Variants in TTBK1 observed in about 807,000 individuals in gnomAD.
The protein encoded by TTBK1 is tau tubulin kinase 1.
A neutral mutation model predicts 108.5 loss-of-function variants in TTBK1; 34 were observed. The ratio of observed to expected loss-of-function variants is 0.31; its 90% CI spans 0.24 to 0.42. The LOEUF (loss-of-function observed/expected upper bound fraction) is 0.42, where lower values mean the gene tolerates loss of function less well. Ranked by LOEUF, TTBK1 falls within the 10% of genes least tolerant of loss-of-function variation. TTBK1 has a pLI of 1.00. For synonymous variants in TTBK1, 809 were observed against 795.1 expected (o/e 1.02, Z -0.29); for missense variants, 1,539 against 1,826.0 (o/e 0.84, Z 2.86).
rs1294986838 is a variant in TTBK1, at chr6:43,257,937, G to A, written c.987G>A (p.Gln329=). ...CGAGCACCTCTACCCCGCCCCAGCAGAACACCCGGCAGACGGCAGCCATGT... is the reference window on the plus strand; with the variant it reads ...CGAGCACCTCTACCCCGCCCCAGCAAAACACCCGGCAGACGGCAGCCATGT... ...LSTSTSTPPQ[Q]NTRQTAAMFG... is the part of the protein sequence containing the mutation. Residue 329 remains glutamine (Q), a synonymous_variant, in exon 10 of 15, where the codon CAG becomes CAA. Coordinates refer to ENST00000259750, the MANE Select transcript of TTBK1 (RefSeq NM_032538.3). The surrounding 1 kb of genome is among the most constrained non-coding windows in gnomAD (Gnocchi z 4.5). The A allele has an allele frequency of 6.2e-7, 1 of 1,613,732 alleles. No individual in the cohort carries two copies. The highest frequency in any genetic ancestry group is 1.1e-5 in the South Asian group (1 of 91,066).
chr6:43,245,399 G>A (rs937134345), intron 1 of TTBK1, among the ~76,000 whole-genome samples: 3 of 152,058 alleles, frequency 2.0e-5, no homozygotes, highest in African/African-American at 7.3e-5. Flanking sequence ...TCCTGTCCTG[G>A]GTTGGCAGAA....
At position 43,269,525 on chromosome 6, in the gene TTBK1, CCCACTTGCCCGGGACGCCGG is replaced by C. The variant is rs1298742201; in HGVS notation, c.1986+6177_1986+6196del. The C allele has an allele frequency of 6.5e-6, 8 of 1,221,568 alleles. No homozygotes were observed. Among genetic ancestry groups the C allele is most frequent in the Non-Finnish European group, 8.8e-6 (8 of 913,050 alleles). 75.7% of individuals were successfully genotyped at this position (1,221,568 alleles called of 1,614,324 possible). On this transcript the variant is annotated intron_variant, in intron 13 of 14. Coordinates refer to ENST00000259750, the MANE Select transcript of TTBK1 (RefSeq NM_032538.3). The surrounding 1 kb of genome is among the most constrained non-coding windows in gnomAD (Gnocchi z 4.8). The stretch of plus-strand genomic sequence containing the variant: ...CCCTCCTCCACCCTGCCTGACCCCG[CCCACTTGCCCGGGACGCCGG>C]CGCCGCAGGGGCTGTGAGCGGTGGG...
chr6:43,247,213 C>T (rs1223440343), intron 2 of TTBK1, among the ~76,000 whole-genome samples: 2 of 152,192 alleles, frequency 1.3e-5, no homozygotes, highest in African/African-American at 2.4e-5. Context: ...GCTGCTCCCG[C>T]CGCACCCGCA....
chr6:43,285,184 G>T lies in TTBK1; in HGVS notation c.3774G>T (p.Glu1258Asp). 7.3e-7 allele frequency: 1 copy of T among 1,373,154 alleles called. No homozygotes were observed. The allele number at this position is 1,373,154 out of a possible 1,614,324, so 85.1% of individuals were successfully genotyped here. A position where few individuals can be genotyped will look rare whatever the true frequency, so the allele number is the denominator to read the frequency against. Residue 1258 changes from glutamate (E) to aspartate (D), a missense_variant, in exon 15 of 15, where the codon GAG becomes GAT. Physicochemically the swap from Glu to Asp is conservative, Grantham distance 45. Coordinates refer to ENST00000259750, the MANE Select transcript of TTBK1 (RefSeq NM_032538.3). The surrounding 1 kb of genome is among the most constrained non-coding windows in gnomAD (Gnocchi z 4.7). The stretch of plus-strand genomic sequence containing the variant: ...GGAGCCAGTCCCTGTCCCGCAGAGA[G>T]AGCCCCTCCCCCTCGCACCAGGCCC... ...SPRSQSLSRR[E>D]SPSPSHQARP...
At chr6:43,262,728 G>A (rs543574977) in intron 12 of TTBK1, 61 bp from the exon 13 acceptor site, 15 of 1,441,076 alleles carry the variant, frequency 1.0e-5, no homozygotes, top group African/African-American at 5.7e-5. Flanking sequence ...TGCCGCTGGC[G>A]TGGGGTCCTT....
At chr6:43,267,638 G>T (rs1449358441) in intron 13 of TTBK1, among the ~76,000 whole-genome samples, 4 of 151,774 alleles carry the variant, frequency 2.6e-5, no homozygotes, top group South Asian at 4.2e-4. Context: ...TTTTGTTTTT[G>T]TTTTTTTTCT....
chr6:43,263,361 G>A lies in TTBK1; in HGVS notation c.1986+11G>A. On this transcript the variant is annotated intron_variant, in intron 13 of 14. Transcript: ENST00000259750. The surrounding 1 kb of genome is among the most constrained non-coding windows in gnomAD (Gnocchi z 4.7). ...GGCCCACAGAGACAGGTAAGGTTGG[G>A]CTTGCACCCCACTCCCCATCTCCAG... is the stretch of plus-strand genomic sequence containing the variant. The A allele has an allele frequency of 3.4e-6, 5 of 1,452,204 alleles. No homozygotes were observed. Among genetic ancestry groups the A allele is most frequent in the Non-Finnish European group, 4.6e-6 (5 of 1,098,702 alleles). 90.0% of individuals were successfully genotyped at this position (1,452,204 alleles called of 1,614,324 possible). A position where few individuals can be genotyped will look rare whatever the true frequency, so the allele number is the denominator to read the frequency against.
At chr6:43,266,763 T>G (rs1777687598) in intron 13 of TTBK1, among the ~76,000 whole-genome samples, 2 of 152,156 alleles carry the variant, frequency 1.3e-5, no homozygotes, top group East Asian at 3.9e-4. Context: ...ATTACAGGCA[T>G]GCACCACCAC....
At position 43,246,653 on chromosome 6, in the gene TTBK1, G is replaced by A. The variant is rs1222521490; in HGVS notation, c.-8G>A. ...GGCCCGGCGGACACCCCTCCCTCTG[G>A]CTGGCGGATGCAGTGCCTAGCGGCC... On this transcript the variant is annotated 5_prime_UTR_variant, in exon 2 of 15. Coordinates refer to ENST00000259750, the MANE Select transcript of TTBK1 (RefSeq NM_032538.3). The A allele has an allele frequency of 1.3e-6, 2 of 1,591,638 alleles. No individual in the cohort carries two copies. The highest frequency in any genetic ancestry group is 1.7e-6 in the Non-Finnish European group (2 of 1,167,738).
rs2150689615 is a variant in TTBK1 at position 43,257,285 on chromosome 6, GC to G, written c.862-524del. 6.6e-6 allele frequency among the ~76,000 whole-genome samples: 1 copy of G among 152,360 alleles called. No homozygotes were observed. Among genetic ancestry groups the G allele is most frequent in the Admixed American group, 6.5e-5 (1 of 15,312 alleles). On this transcript the variant is annotated intron_variant, in intron 9 of 14. Coordinates refer to ENST00000259750, the MANE Select transcript of TTBK1 (RefSeq NM_032538.3). This position sits in a 1 kb window ranked among gnomAD's most constrained non-coding sequence, Gnocchi z 4.5. ...AGCTGCGAGCACCCCCCAGGCTGGG[GC>G]CCTGTGCTGGCTGCTAGGGATGCAG...
At chr6:43,245,255 G>A (rs77435270) in intron 1 of TTBK1, among the ~76,000 whole-genome samples, 121 of 148,772 alleles carry the variant, frequency 8.1e-4, no homozygotes, top group African/African-American at 2.9e-3. Context: ...CCCCCGACCC[G>A]CAACCCCCAA....
chr6:43,244,353 T>C (rs1301466848), intron 1 of TTBK1, among the ~76,000 whole-genome samples: 3 of 152,154 alleles, frequency 2.0e-5, no homozygotes, highest in African/African-American at 7.2e-5. Flanking sequence ...CATCAACACT[T>C]GTATTCACAG....
At chr6:43,245,428 T>A (rs898539488) in intron 1 of TTBK1, among the ~76,000 whole-genome samples, 1 of 152,144 alleles carries the variant, frequency 6.6e-6, no homozygotes, top group East Asian at 1.9e-4. Context: ...AAGTCATGTC[T>A]TCTGGCCCCT....
In TTBK1 at chr6:43,283,513, A is replaced by G; in HGVS notation, c.2773A>G (p.Lys925Glu). ...GGCAGTCACCTCCTCACCCTTCACCAAAGTTGAGAGGACCTTTGTGCACAT... is the reference window on the plus strand; with the variant it reads ...GGCAGTCACCTCCTCACCCTTCACCGAAGTTGAGAGGACCTTTGTGCACAT... ...GVAVTSSPFTKVERTFVHIAE... is the reference protein window; with the variant it reads ...GVAVTSSPFTEVERTFVHIAE... The change falls in exon 14 of 15, where the codon AAA (lysine) becomes GAA (glutamate). Residue 925 changes from lysine (K) to glutamate (E), a missense_variant. Around this residue, in one of 5 missense-constraint regions of TTBK1, gnomAD observed 1,055 missense variants for 1,086.5 expected, o/e 0.97. Coordinates refer to ENST00000259750, the MANE Select transcript of TTBK1 (RefSeq NM_032538.3). This position sits in a 1 kb window ranked among gnomAD's most constrained non-coding sequence, Gnocchi z 8.1. The G allele has an allele frequency of 1.2e-6, 2 of 1,614,054 alleles. No individual in the cohort carries two copies. The highest frequency in any genetic ancestry group is 1.7e-6 in the Non-Finnish European group (2 of 1,179,964).
Position 43,246,603 on chromosome 6 carries a change from C to G in TTBK1, c.-54-4C>G, listed in dbSNP as rs1015408279. 7 of 1,426,556 alleles carry G rather than the reference C, an allele frequency of 4.9e-6. No individual in the cohort carries two copies. The highest frequency in any genetic ancestry group is 6.7e-6 in the Non-Finnish European group (7 of 1,037,296). 88.4% of individuals were successfully genotyped at this position (1,426,556 alleles called of 1,614,324 possible). On this transcript the variant is annotated splice_region_variant and splice_polypyrimidine_tract_variant and intron_variant, in intron 1 of 14. Transcript: ENST00000259750. The stretch of plus-strand genomic sequence containing the variant: ...GCCCTCACAGGCCCTCCTCACTCCC[C>G]TAGGTAGATGGCCCCCTCAGGGCAG...
intron 13 of TTBK1, among the ~76,000 whole-genome samples, chr6:43,278,346 G>A (rs1467281667): frequency 6.6e-6 from 1 of 152,150 alleles, no homozygotes; most frequent in Non-Finnish European, 1.5e-5. Flanking sequence ...GGAGGGGAGG[G>A]GCTGGGGCTT....
rs1045691600 is a variant in TTBK1 at position 43,259,012 on chromosome 6, C to T, written c.1017-26C>T. ...GAGAGGGCACCCCTGCCAGCCTTGCCCATGGCTCCCTCCTGCCCTCTCCAG... is the reference window on the plus strand; with the variant it reads ...GAGAGGGCACCCCTGCCAGCCTTGCTCATGGCTCCCTCCTGCCCTCTCCAG... On this transcript the variant is annotated intron_variant, in intron 10 of 14. Coordinates refer to ENST00000259750, the MANE Select transcript of TTBK1 (RefSeq NM_032538.3). The surrounding 1 kb of genome is among the most constrained non-coding windows in gnomAD (Gnocchi z 6.7). The T allele has an allele frequency of 1.9e-6, 3 of 1,577,194 alleles. No homozygotes were observed. The highest frequency in any genetic ancestry group is 1.3e-5 in the African/African-American group (1 of 74,246).
At position 43,282,890 on chromosome 6, in the gene TTBK1, C is replaced by T. The variant is rs769916025; in HGVS notation, c.2150C>T (p.Thr717Ile). The change falls in exon 14 of 15, where the codon ACC (threonine) becomes ATC (isoleucine). Residue 717 changes from threonine (T) to isoleucine (I), a missense_variant. This residue lies in a region of TTBK1 where 1,055 missense variants were observed against 1,086.5 expected (regional missense o/e 0.97). Transcript: ENST00000259750. This position sits in a 1 kb window ranked among gnomAD's most constrained non-coding sequence, Gnocchi z 5.4. ...GGCTTCTCGCACATGCTGCTCACCA[C>T]CCCCCAGGTCCCACTGGCTCCTGTT... The part of the protein sequence containing the change: ...RVGFSHMLLT[T>I]PQVPLAPVQP... 4 of 1,613,710 alleles carry T rather than the reference C, an allele frequency of 2.5e-6. No homozygotes were observed. The highest frequency in any genetic ancestry group is 1.7e-5 in the Admixed American group (1 of 59,980).
rs1364555893 is a variant in TTBK1 at position 43,286,300 on chromosome 6, TCAC to T, written c.*927_*929del. 1 of 152,666 alleles carries T rather than the reference TCAC, an allele frequency of 6.6e-6. No individual in the cohort carries two copies. The highest frequency in any genetic ancestry group is 1.9e-4 in the East Asian group (1 of 5,194). 9.5% of individuals were successfully genotyped at this position (152,666 alleles called of 1,614,324 possible). On this transcript the variant is annotated 3_prime_UTR_variant, in exon 15 of 15. Transcript: ENST00000259750. The surrounding 1 kb of genome is among the most constrained non-coding windows in gnomAD (Gnocchi z 4.6). ...CCCCTGATCTAGTGCTCAGGACCCT[TCAC>T]CATCAGGAATTCCTTCCTGTCATCT...
Sources: allele counts gnomAD v4.1 joint callset (sites outside exome capture counted in the v4.1 genomes callset), GRCh38; gene constraint gnomAD v4.1.1; regional missense constraint gnomAD v4.1.1; non-coding constraint Gnocchi (gnomAD v3.1); transcripts MANE v1.5; gene names NCBI Gene and HGNC (gene_info 2026-07-23, HGNC 2026-07-21).